The following KCNH1 variants were observed in gnomAD, a reference collection of about 807,000 sequenced individuals.
The protein encoded by KCNH1 is potassium voltage-gated channel subfamily H member 1.
In KCNH1, 27 loss-of-function variants were observed where a neutral mutation model predicts 69.2. The ratio of observed to expected loss-of-function variants is 0.39; its 90% confidence interval spans 0.29 to 0.54. The LOEUF is 0.54. KCNH1 is among the 20% of genes least tolerant of loss of function. The probability of loss-of-function intolerance (pLI) is 0.68; values close to 1 mark genes in which losing one functional copy is unlikely to be tolerated. For synonymous variants in KCNH1, 456 were observed against 487.7 expected, an observed-to-expected ratio of 0.93 and a Z score of 0.86; for missense variants, 798 against 1,261.6, an observed-to-expected ratio of 0.63 and a Z score of 5.57.
intron 7 of KCNH1, chr1:210,861,014 G>C: frequency 9.5e-7 from 1 of 1,055,124 alleles, no homozygotes. Flanking sequence ...GTCAGCATTG[G>C]GTTCTGTAAG....
intron 5 of KCNH1, among the ~76,000 whole-genome samples, chr1:211,074,995 T>C (rs1488147012): frequency 6.6e-6 from 1 of 152,210 alleles, no homozygotes. Flanking sequence ...ACTGATACAG[T>C]TAGCTACGTA....
intron 6 of KCNH1, among the ~76,000 whole-genome samples, chr1:211,006,858 G>T (rs868711012): frequency 1.3e-5 from 2 of 151,930 alleles, no homozygotes; most frequent in South Asian, 4.2e-4. Context: ...GTCATAAAAA[G>T]GGAAAATCTA....
chr1:210,778,530 C>CA (rs10679033), intron 9 of KCNH1, among the ~76,000 whole-genome samples: 10,417 of 122,334 alleles, frequency 0.085, 856 homozygotes, highest in African/African-American at 0.22. Flanking sequence ...GACTCTGTCT[C>CA]AAAAAAAAAA....
chr1:210,966,269 A>C, intron 6 of KCNH1, among the ~76,000 whole-genome samples: 1 of 152,334 alleles, frequency 6.6e-6, no homozygotes, highest in Admixed American at 6.5e-5. Flanking sequence ...AAGACCTAAA[A>C]CCACAAAAAC....
chr1:210,921,296 C>G (rs1476578703), intron 6 of KCNH1, among the ~76,000 whole-genome samples: 2 of 152,156 alleles, frequency 1.3e-5, no homozygotes, highest in Non-Finnish European at 2.9e-5. Flanking sequence ...AGCAAATAAA[C>G]AAGCAAATAA....
chr1:210,905,409 T>C (rs1398047441), intron 7 of KCNH1, among the ~76,000 whole-genome samples: 2 of 152,182 alleles, frequency 1.3e-5, no homozygotes, highest in African/African-American at 4.8e-5. Context: ...CAAGGCATCC[T>C]GGTACTGTCA....
chr1:210,918,126 CTG>C (rs1275571189), intron 7 of KCNH1, among the ~76,000 whole-genome samples: 1 of 152,064 alleles, frequency 6.6e-6, no homozygotes, highest in African/African-American at 2.4e-5. Flanking sequence ...CATGATGAGA[CTG>C]TTGCAAAAAA....
chr1:211,133,816 A>T lies in KCNH1; in HGVS notation c.79+51T>A, dbSNP rs1691922028. On this transcript the variant is annotated intron_variant, in intron 1 of 10. Transcript: ENST00000271751. This position sits in a 1 kb window ranked among gnomAD's most constrained non-coding sequence, Gnocchi z 5.4. ...TCCGAGCGGCGAGAGGTTCTGCAAT[A>T]AAGGCACGGATAAAACGCCCGGGTA... The T allele has an allele frequency of 3.3e-6, 5 of 1,532,190 alleles. No homozygotes were observed. Among genetic ancestry groups the T allele is most frequent in the Non-Finnish European group, 4.5e-6 (5 of 1,110,760 alleles). 94.9% of individuals were successfully genotyped at this position (1,532,190 alleles called of 1,614,324 possible).
intron 7 of KCNH1, among the ~76,000 whole-genome samples, chr1:210,805,714 G>A (rs1777248): frequency 3.7e-4 from 57 of 152,214 alleles, no homozygotes; most frequent in Middle Eastern, 3.4e-3. Context: ...ATATTCCTCC[G>A]AAAATAAACC....
chr1:210,844,855 A>G (rs1685502875), intron 7 of KCNH1, among the ~76,000 whole-genome samples: 1 of 152,244 alleles, frequency 6.6e-6, no homozygotes, highest in Non-Finnish European at 1.5e-5. Context: ...AAGAAAAAAG[A>G]GAAGAATCAA....
intron 6 of KCNH1, among the ~76,000 whole-genome samples, chr1:210,967,601 T>C (rs1054374146): frequency 6.6e-6 from 1 of 152,148 alleles, no homozygotes; most frequent in African/African-American, 2.4e-5. Flanking sequence ...TCTTCATATT[T>C]CCTGATATAC....
At chr1:210,760,315 G>A (rs1023355594) in intron 10 of KCNH1, among the ~76,000 whole-genome samples, 1 of 152,126 alleles carries the variant, frequency 6.6e-6, no homozygotes, top group Non-Finnish European at 1.5e-5. Flanking sequence ...CATAGTATTA[G>A]TGTGAAAACC....
intron 10 of KCNH1, among the ~76,000 whole-genome samples, chr1:210,775,076 T>G (rs1030602178): frequency 6.6e-6 from 1 of 152,078 alleles, no homozygotes; most frequent in Non-Finnish European, 1.5e-5. Flanking sequence ...GGTCTAGATA[T>G]TGATGGGGGA....
intron 6 of KCNH1, among the ~76,000 whole-genome samples, chr1:210,941,457 C>T (rs187154687): frequency 1.5e-3 from 227 of 152,212 alleles, no homozygotes; most frequent in East Asian, 0.011. Flanking sequence ...GCAAAAGGTT[C>T]CCTGGAGTTT....
intron 6 of KCNH1, among the ~76,000 whole-genome samples, chr1:211,011,603 T>C (rs1689395792): frequency 6.6e-6 from 1 of 152,162 alleles, no homozygotes; most frequent in South Asian, 2.1e-4. Flanking sequence ...GAGTGATTTG[T>C]TTTTAGGTTT....
chr1:210,780,719 G>C (rs971114335), intron 9 of KCNH1, among the ~76,000 whole-genome samples: 5 of 152,204 alleles, frequency 3.3e-5, no homozygotes, highest in Non-Finnish European at 7.3e-5. Flanking sequence ...ATGAGCAAAG[G>C]CCTTGAGACA....
intron 7 of KCNH1, among the ~76,000 whole-genome samples, chr1:210,820,990 C>G (rs914759704): frequency 5.3e-5 from 8 of 152,146 alleles, no homozygotes; most frequent in Non-Finnish European, 1.2e-4. Flanking sequence ...TTTAAGCCAC[C>G]AAGTTCGTGT....
chr1:211,070,753 T>C (rs1388075684), intron 5 of KCNH1, among the ~76,000 whole-genome samples: 1 of 146,874 alleles, frequency 6.8e-6, no homozygotes, highest in Non-Finnish European at 1.5e-5. Context: ...ACCCAGGAGG[T>C]GGAGGTTGCA....
intron 6 of KCNH1, among the ~76,000 whole-genome samples, chr1:210,944,332 C>T (rs1290262402): frequency 2.0e-5 from 3 of 152,182 alleles, no homozygotes; most frequent in African/African-American, 7.2e-5. Context: ...CCTGGTGATA[C>T]TAGGACACAA....
Sources: gnomAD v4.1 joint callset for allele counts (sites outside exome capture counted in the v4.1 genomes callset) on GRCh38, gnomAD v4.1.1 for gene constraint, Gnocchi (gnomAD v3.1) non-coding constraint, MANE v1.5 for transcripts, NCBI Gene and HGNC (gene_info 2026-07-23, HGNC 2026-07-21) for gene names.